The following KCTD7 variants were observed in gnomAD, a reference collection of about 807,000 sequenced individuals.
KCTD7 encodes BTB/POZ domain-containing protein KCTD7.
A neutral mutation model predicts 27.0 loss-of-function variants in KCTD7; 15 were observed. That is an observed-to-expected ratio of 0.56 (90% CI 0.37 to 0.86). KCTD7 has a LOEUF of 0.86. Among genes scored for constraint, KCTD7 ranks in the 40% least tolerant of loss-of-function variants. The probability of loss-of-function intolerance (pLI) is 0.00; values close to 1 mark genes in which losing one functional copy is unlikely to be tolerated. For synonymous variants in KCTD7, 159 were observed against 162.7 expected (o/e 0.98, Z 0.17); for missense variants, 299 against 398.9 (o/e 0.75, Z 2.13).
At chr7:66,632,211 G>A (rs1033655174) in intron 1 of KCTD7, among the ~76,000 whole-genome samples, 1 of 150,900 alleles carries the variant, frequency 6.6e-6, no homozygotes, top group Admixed American at 6.6e-5. Flanking sequence ...TAGCAGGCCG[G>A]GCGTGGTGGC....
At position 66,641,144 on chromosome 7, in the gene KCTD7, T is replaced by C. The variant is rs985334645; in HGVS notation, c.*1912T>C. On this transcript the variant is annotated 3_prime_UTR_variant, in exon 4 of 4. Coordinates refer to ENST00000639828, the MANE Select transcript of KCTD7 (RefSeq NM_153033.5). ...CATTCACGTTCTGAGATATGCGCTC[T>C]CTCTATTGTTCTCGTACACAAAGGG... is the stretch of plus-strand genomic sequence containing the variant. 1.1e-4 allele frequency: 112 copies of C among 985,308 alleles called. No homozygotes were observed. Among genetic ancestry groups the C allele is most frequent in the Non-Finnish European group, 1.3e-4 (108 of 829,958 alleles). The allele number at this position is 985,308 out of a possible 1,614,324, so 61.0% of individuals were successfully genotyped here.
chr7:66,631,081 G>C (rs974204937), intron 1 of KCTD7, among the ~76,000 whole-genome samples: 1 of 152,226 alleles, frequency 6.6e-6, no homozygotes, highest in African/African-American at 2.4e-5. Context: ...AAGAGTAACA[G>C]TGCATACACA....
In KCTD7 at chr7:66,641,902, G is replaced by A. The variant is rs968575664; in HGVS notation, c.*2670G>A. The A allele has an allele frequency of 1.0e-6, 1 of 985,378 alleles. No individual in the cohort carries two copies. The highest frequency in any genetic ancestry group is 1.2e-6 in the Non-Finnish European group (1 of 829,914). The allele number at this position is 985,378 out of a possible 1,614,324, so 61.0% of individuals were successfully genotyped here. ...CCAGGCCCAGAACAGAAGAAGGGTT[G>A]GGTCTGGAAGGAAGGCTCCAAAGGA... On this transcript the variant is annotated 3_prime_UTR_variant, in exon 4 of 4. Transcript: ENST00000639828.
In KCTD7 at chr7:66,640,524, A is replaced by G; in HGVS notation, c.*1292A>G. 2.7e-6 allele frequency: 4 copies of G among 1,502,596 alleles called. No individual in the cohort carries two copies. Among genetic ancestry groups the G allele is most frequent in the Non-Finnish European group, 3.5e-6 (4 of 1,130,072 alleles). The allele number at this position is 1,502,596 out of a possible 1,614,324, so 93.1% of individuals were successfully genotyped here. ...AGAACTGTGTAGCACCATTGATCAC[A>G]ATGTAACATTTCCATGCTGCATTAA... On this transcript the variant is annotated 3_prime_UTR_variant, in exon 4 of 4. Transcript: ENST00000639828.
chr7:66,631,885 A>G (rs189183827), intron 1 of KCTD7, among the ~76,000 whole-genome samples: 1 of 152,234 alleles, frequency 6.6e-6, no homozygotes, highest in Admixed American at 6.5e-5. Flanking sequence ...ACACACAACT[A>G]CTGAGCTCTG....
intron 2 of KCTD7, among the ~76,000 whole-genome samples, chr7:66,637,604 T>C (rs544681095): frequency 1.3e-5 from 2 of 152,202 alleles, no homozygotes; most frequent in Non-Finnish European, 2.9e-5. Context: ...AAAAACATTA[T>C]GTTAAAGGAA....
intron 1 of KCTD7, 113 bp from the exon 2 acceptor site, chr7:66,633,162 T>G (rs1786493596): frequency 9.4e-7 from 1 of 1,064,426 alleles, no homozygotes; most frequent in Admixed American, 1.9e-5. Context: ...CCCGTGGGCT[T>G]GAGTGACTGA....
At position 66,642,809 on chromosome 7, in the gene KCTD7, G is replaced by A. The variant is rs1713520863; in HGVS notation, c.*3577G>A. On this transcript the variant is annotated 3_prime_UTR_variant, in exon 4 of 4. Coordinates refer to ENST00000639828, the MANE Select transcript of KCTD7 (RefSeq NM_153033.5). ...AATCATATCTGTGTATATACATACT[G>A]AGTGGGGAAGGATGGGGGTTGGCAG... 1 of 985,260 alleles carries A rather than the reference G, an allele frequency of 1.0e-6. No individual in the cohort carries two copies. The highest frequency in any genetic ancestry group is 1.7e-5 in the African/African-American group (1 of 57,220). The allele number at this position is 985,260 out of a possible 1,614,324, so 61.0% of individuals were successfully genotyped here. A position where few individuals can be genotyped will look rare whatever the true frequency, so the allele number is the denominator to read the frequency against.
At position 66,639,189 on chromosome 7, in the gene KCTD7, A is replaced by G. The variant is rs141191660; in HGVS notation, c.827A>G (p.Tyr276Cys). 5.0e-6 allele frequency: 8 copies of G among 1,613,660 alleles called. No homozygotes were observed. The highest frequency in any genetic ancestry group is 1.7e-5 in the Admixed American group (1 of 59,996). Residue 276 changes from tyrosine to cysteine, a missense_variant, in exon 4 of 4, where the codon TAC becomes TGC. Transcript: ENST00000639828. ...GACAAGCACCTCGTGAACCACTACT[A>G]CTGCAAGCGCCCCATCTATGAGTTC... The part of the protein sequence containing the change: ...VCDKHLVNHY[Y>C]CKRPIYEFKI...
Position 66,629,160 on chromosome 7 carries a change from G to A in KCTD7, c.96G>A (p.Thr32=). Reference sequence around the variant, plus strand: ...AAGACGACTTTCTGGAGCCGGCCACGCCGACGGCCACGCAGGCGGGGCACG... The same window carrying A: ...AAGACGACTTTCTGGAGCCGGCCACACCGACGGCCACGCAGGCGGGGCACG... The part of the protein sequence containing the change: ...DAEDDFLEPA[T]PTATQAGHAL... The change falls in exon 1 of 4, where the codon ACG becomes ACA. Residue 32 remains threonine, a synonymous_variant. Transcript: ENST00000639828. 6.6e-7 allele frequency: 1 copy of A among 1,525,066 alleles called. No individual in the cohort carries two copies. The highest frequency in any genetic ancestry group is 1.2e-5 in the South Asian group (1 of 81,270). The allele number at this position is 1,525,066 out of a possible 1,614,324, so 94.5% of individuals were successfully genotyped here. A position where few individuals can be genotyped will look rare whatever the true frequency, so the allele number is the denominator to read the frequency against.
In KCTD7 at chr7:66,640,970, T is replaced by C. The variant is rs1786701227; in HGVS notation, c.*1738T>C. 2 of 985,410 alleles carry C rather than the reference T, an allele frequency of 2.0e-6. No homozygotes were observed. Among genetic ancestry groups the C allele is most frequent in the Non-Finnish European group, 1.2e-6 (1 of 830,032 alleles). The allele number at this position is 985,410 out of a possible 1,614,324, so 61.0% of individuals were successfully genotyped here. ...GAAGAGAAGACCAAGCCCTGGGACT[T>C]TGGCTGAATTCCTCCGTGGGGCTGG... On this transcript the variant is annotated 3_prime_UTR_variant, in exon 4 of 4. Transcript: ENST00000639828.
intron 2 of KCTD7, among the ~76,000 whole-genome samples, chr7:66,635,295 G>T (rs1159347668): frequency 6.6e-6 from 1 of 152,110 alleles, no homozygotes; most frequent in Non-Finnish European, 1.5e-5. Flanking sequence ...TACAGGCCCA[G>T]CCTGTAGTTT....
In KCTD7 at chr7:66,639,607, C is replaced by G. The variant is rs879662632; in HGVS notation, c.*375C>G. The G allele has an allele frequency of 1.6e-5, 22 of 1,350,990 alleles. No individual in the cohort carries two copies. The highest frequency in any genetic ancestry group is 2.1e-5 in the Non-Finnish European group (22 of 1,047,648). The allele number at this position is 1,350,990 out of a possible 1,614,324, so 83.7% of individuals were successfully genotyped here. ...GCCACGTTACCAAATCGATGTAGGC[C>G]TAATCACTTCCTCAACCCTGTTCAA... On this transcript the variant is annotated 3_prime_UTR_variant, in exon 4 of 4. Transcript: ENST00000639828.
chr7:66,642,225 CTAAA>C lies in KCTD7; in HGVS notation c.*2999_*3002del. 1.0e-6 allele frequency: 1 copy of C among 985,438 alleles called. No homozygotes were observed. Among genetic ancestry groups the C allele is most frequent in the Middle Eastern group, 5.2e-4 (1 of 1,914 alleles). The allele number at this position is 985,438 out of a possible 1,614,324, so 61.0% of individuals were successfully genotyped here. On this transcript the variant is annotated 3_prime_UTR_variant, in exon 4 of 4. Transcript: ENST00000639828. Reference sequence around the variant, plus strand: ...GGAGAGGAATTCTTAGCGTAACACTCTAAATAAATGGAAGGAATCATCACCTTCC... The same window carrying C: ...GGAGAGGAATTCTTAGCGTAACACTCTAAATGGAAGGAATCATCACCTTCC...
chr7:66,636,224 G>A (rs1195471975), intron 2 of KCTD7, among the ~76,000 whole-genome samples: 2 of 151,894 alleles, frequency 1.3e-5, no homozygotes, highest in South Asian at 2.1e-4. Flanking sequence ...CCTCAGTCTG[G>A]GGTCGTTCCC....
Position 66,641,556 on chromosome 7 carries a change from TC to T in KCTD7, c.*2326del. ...CAGGGATGCTGGGTAAGAACACCGT[TC>T]CTCTCTCTCGCTGGAGAAATCCCTG... is the stretch of plus-strand genomic sequence containing the variant. On this transcript the variant is annotated 3_prime_UTR_variant, in exon 4 of 4. Transcript: ENST00000639828. The T allele has an allele frequency of 2.0e-6, 2 of 985,428 alleles. No individual in the cohort carries two copies. The highest frequency in any genetic ancestry group is 2.4e-6 in the Non-Finnish European group (2 of 829,922). 61.0% of individuals were successfully genotyped at this position (985,428 alleles called of 1,614,324 possible). A position where few individuals can be genotyped will look rare whatever the true frequency, so the allele number is the denominator to read the frequency against.
chr7:66,638,298 G>A lies in KCTD7; in HGVS notation c.360G>A (p.Glu120=), dbSNP rs1321840682. The part of the protein sequence containing the change: ...FLRSGDLPPR[E]RVRAVYKEAQ... ...GCTCAGGGGACCTCCCACCCAGGGAGCGTGTTCGAGCTGTGTACAAAGAGG... is the reference window on the plus strand; with the variant it reads ...GCTCAGGGGACCTCCCACCCAGGGAACGTGTTCGAGCTGTGTACAAAGAGG... Residue 120 remains glutamate (E), a synonymous_variant, in exon 3 of 4, where the codon GAG becomes GAA. Coordinates refer to ENST00000639828, the MANE Select transcript of KCTD7 (RefSeq NM_153033.5). 2 of 1,614,224 alleles carry A rather than the reference G, an allele frequency of 1.2e-6. No homozygotes were observed. The highest frequency in any genetic ancestry group is 4.5e-5 in the East Asian group (2 of 44,886).
intron 1 of KCTD7, among the ~76,000 whole-genome samples, chr7:66,629,411 C>T (rs1016743099): frequency 6.6e-6 from 1 of 151,434 alleles, no homozygotes; most frequent in Non-Finnish European, 1.5e-5. Flanking sequence ...CAATTACACC[C>T]ACTAGGTGTG....
chr7:66,630,171 T>G (rs558661014), intron 1 of KCTD7, among the ~76,000 whole-genome samples: 2 of 151,598 alleles, frequency 1.3e-5, no homozygotes, highest in Admixed American at 1.3e-4. Context: ...GGAAGGTGAG[T>G]TGGGAGGATT....
Sources: gnomAD v4.1 joint callset for allele counts (sites outside exome capture counted in the v4.1 genomes callset) on GRCh38, gnomAD v4.1.1 for gene constraint, MANE v1.5 for transcripts, NCBI Gene and HGNC (gene_info 2026-07-23, HGNC 2026-07-21) for gene names.